The following IGFL4 variants were observed in gnomAD, a reference collection of about 807,000 sequenced individuals.
The protein encoded by IGFL4 is IGF like family member 4.
Under a neutral mutation model 15.4 loss-of-function variants are expected in IGFL4, and 12 were observed. The observed-to-expected ratio is 0.78, with a 90% CI of 0.50 to 1.26. The LOEUF is 1.26. Ranked by LOEUF, IGFL4 falls within the 50% of genes most tolerant of loss-of-function variation. IGFL4 has a pLI of 0.00. For synonymous variants in IGFL4, 54 were observed against 55.9 expected, an observed-to-expected ratio of 0.97 and a Z score of 0.16; for missense variants, 126 against 147.8, an observed-to-expected ratio of 0.85 and a Z score of 0.76.
chr19:46,075,027 CA>C (rs1162649990), intron 1 of IGFL4, among the ~76,000 whole-genome samples: 1 of 152,190 alleles, frequency 6.6e-6, no homozygotes, highest in African/African-American at 2.4e-5. Context: ...ATGGGAAGAA[CA>C]GAAAGAATTT....
rs1969214758 is a variant in IGFL4 at position 46,039,569 on chromosome 19, G to A, written c.*323C>T. 7.1e-6 allele frequency among the ~76,000 whole-genome samples: 1 copy of A among 141,546 alleles called. No individual in the cohort carries two copies. The highest frequency in any genetic ancestry group is 7.2e-5 in the Admixed American group (1 of 13,876). The allele number at this position is 141,546 out of a possible 152,430, so 92.9% of individuals were successfully genotyped here. A position where few individuals can be genotyped will look rare whatever the true frequency, so the allele number is the denominator to read the frequency against. On this transcript the variant is annotated 3_prime_UTR_variant, in exon 4 of 4. Transcript: ENST00000377697. ...TGTTTGTATCCTCTTTTATTTCCTT[G>A]AGCAGTGGTTTGTAGTTCTCCTTGA...
At chr19:46,058,569 T>A (rs902291788) in intron 2 of IGFL4, 2 of 152,210 alleles carry the variant, frequency 1.3e-5, no homozygotes, top group African/African-American at 4.8e-5. Flanking sequence ...CAAGCCCACA[T>A]TTCCCTTCTT....
chr19:46,077,600 A>C (rs1250680336), upstream of IGFL4, among the ~76,000 whole-genome samples: 3 of 152,196 alleles, frequency 2.0e-5, no homozygotes, highest in African/African-American at 7.2e-5. The surrounding 1 kb of genome is among the most constrained non-coding windows in gnomAD (Gnocchi z 5.4). Flanking sequence ...AGAAAGTGAT[A>C]GCGACAGAAA....
intron 1 of IGFL4, among the ~76,000 whole-genome samples, chr19:46,062,316 G>A (rs769947339): frequency 2.0e-4 from 31 of 152,190 alleles, no homozygotes; most frequent in Non-Finnish European, 3.8e-4. Flanking sequence ...AGGTCACACA[G>A]ATATAAACCA....
chr19:46,063,068 T>A (rs1969460403), intron 1 of IGFL4: 1 of 152,216 alleles, frequency 6.6e-6, no homozygotes. Flanking sequence ...CTAATCTGCC[T>A]AAGATGGGCC....
chr19:46,064,117 A>G (rs1969472708), intron 1 of IGFL4, among the ~76,000 whole-genome samples: 2 of 151,366 alleles, frequency 1.3e-5, no homozygotes, highest in South Asian at 2.1e-4. Context: ...CTGGAAGTTT[A>G]CATGCTGATT....
At chr19:46,074,382 A>G (rs751035795) in intron 1 of IGFL4, among the ~76,000 whole-genome samples, 2 of 151,784 alleles carry the variant, frequency 1.3e-5, no homozygotes, top group Non-Finnish European at 2.9e-5. Context: ...CCATATATGT[A>G]TATGTATACT....
chr19:46,044,901 TAAAAG>T (rs201562273), upstream of IGFL4, among the ~76,000 whole-genome samples: 71 of 151,014 alleles, frequency 4.7e-4, 1 homozygote, highest in East Asian at 0.013. Context: ...GCCTGACTGT[TAAAAG>T]AAAAACAAAC....
chr19:46,043,828 C>A (rs753077630), upstream of IGFL4, among the ~76,000 whole-genome samples: 2 of 151,978 alleles, frequency 1.3e-5, no homozygotes, highest in African/African-American at 4.8e-5. Context: ...TATACATTTT[C>A]TAGAAGAAAA....
chr19:46,048,774 C>A (rs1969320094), intron 2 of IGFL4, among the ~76,000 whole-genome samples: 1 of 152,110 alleles, frequency 6.6e-6, no homozygotes, highest in African/African-American at 2.4e-5. Context: ...AGATAGGACA[C>A]AAATAAATGG....
Position 46,039,732 on chromosome 19 carries a change from A to G in IGFL4, c.*160T>C. ...GTATAAGAATGCTTGTGATTTTTGT[A>G]CATTGATTTTGTATCCTGAGACTTT... is the stretch of plus-strand genomic sequence containing the variant. On this transcript the variant is annotated 3_prime_UTR_variant, in exon 4 of 4. Transcript: ENST00000377697. The G allele has an allele frequency of 1.6e-6, 1 of 620,136 alleles. No homozygotes were observed. The highest frequency in any genetic ancestry group is 3.0e-6 in the Non-Finnish European group (1 of 338,706). The allele number at this position is 620,136 out of a possible 1,614,324, so 38.4% of individuals were successfully genotyped here. A position where few individuals can be genotyped will look rare whatever the true frequency, so the allele number is the denominator to read the frequency against.
At chr19:46,071,850 A>C (rs1211648488) in intron 1 of IGFL4, among the ~76,000 whole-genome samples, 1 of 152,174 alleles carries the variant, frequency 6.6e-6, no homozygotes, top group African/African-American at 2.4e-5. Context: ...ACATGGTGAA[A>C]CTCCATCTCT....
rs1458631244 is a variant in IGFL4, at chr19:46,040,322, G to A, written c.165C>T (p.Asp55=). 2 of 1,614,074 alleles carry A rather than the reference G, an allele frequency of 1.2e-6. No homozygotes were observed. The highest frequency in any genetic ancestry group is 1.7e-6 in the Non-Finnish European group (2 of 1,180,036). The change falls in exon 3 of 4, where the codon GAC becomes GAT. Residue 55 remains aspartate (D), a synonymous_variant. Transcript: ENST00000377697. The surrounding 1 kb of genome is among the most constrained non-coding windows in gnomAD (Gnocchi z 4.1). ...EQCCDDGVIL[D]LNQTRLCGSS... ...AGCCGCAGAGCCGGGTCTGGTTCAA[G>A]TCTAGGATGACACCGTCATCACAGC...
chr19:46,047,441 T>C (rs940183271), intron 2 of IGFL4, among the ~76,000 whole-genome samples: 1 of 151,886 alleles, frequency 6.6e-6, no homozygotes, highest in African/African-American at 2.4e-5. Flanking sequence ...CTGAAGGAGA[T>C]AGAAACACAA....
In IGFL4 at chr19:46,040,117, C is replaced by A; in HGVS notation, c.330+40G>T. 6.2e-7 allele frequency: 1 copy of A among 1,609,186 alleles called. No homozygotes were observed. The highest frequency in any genetic ancestry group is 8.5e-7 in the Non-Finnish European group (1 of 1,177,240). On this transcript the variant is annotated intron_variant, in intron 3 of 3. Transcript: ENST00000377697. This position sits in a 1 kb window ranked among gnomAD's most constrained non-coding sequence, Gnocchi z 4.1. ...ATGGACAACCAAGCTCCATTCCCTA[C>A]TCCCCCCTCCCACAGCCTGGACTGG...
chr19:46,039,964 G>A, intron 3 of IGFL4, 28 bp from the exon 4 acceptor site: 3 of 1,598,812 alleles, frequency 1.9e-6, no homozygotes, highest in Non-Finnish European at 2.6e-6. Flanking sequence ...TGGGAGAGGG[G>A]AATAAGAGGG....
At position 46,050,273 on chromosome 19, in the gene IGFL4, C is replaced by T. The variant is rs189428144; in HGVS notation, c.-322-9163G>A. Among the ~76,000 whole-genome samples the T allele has an allele frequency of 1.1e-4, 17 of 152,256 alleles. No individual in the cohort carries two copies. In the South Asian group the frequency reaches 2.1e-3, roughly 19 times the overall value. ...ATAAAACAAACCTCTTTAACACCCCCGAAAGATCACACTAGCTCACCAGCA... is the reference window on the plus strand; with the variant it reads ...ATAAAACAAACCTCTTTAACACCCCTGAAAGATCACACTAGCTCACCAGCA... On this transcript the variant is annotated intron_variant, in intron 2 of 5. Coordinates refer to the IGFL4 transcript ENST00000601672.
chr19:46,056,769 G>A (rs1042987807), intron 2 of IGFL4, among the ~76,000 whole-genome samples: 1 of 152,224 alleles, frequency 6.6e-6, no homozygotes, highest in African/African-American at 2.4e-5. Flanking sequence ...CATCTACCCA[G>A]CCACAGAAGA....
At chr19:46,077,365 C>T (rs1969617347), upstream of IGFL4, among the ~76,000 whole-genome samples, 1 of 152,156 alleles carries the variant, frequency 6.6e-6, no homozygotes, top group African/African-American at 2.4e-5. The surrounding 1 kb of genome is among the most constrained non-coding windows in gnomAD (Gnocchi z 5.4). Flanking sequence ...GCTGCAAAAC[C>T]AGGTGCGCTG....
Sources: allele counts gnomAD v4.1 joint callset (sites outside exome capture counted in the v4.1 genomes callset), GRCh38; gene constraint gnomAD v4.1.1; non-coding constraint Gnocchi (gnomAD v3.1); transcripts MANE v1.5; gene names NCBI Gene and HGNC (gene_info 2026-07-23, HGNC 2026-07-21).